The following ZDHHC21 variants were observed in gnomAD, a reference collection of about 807,000 sequenced individuals.
ZDHHC21 encodes zDHHC palmitoyltransferase 21.
ZDHHC21 carries 15 observed loss-of-function variants against 34.6 expected under a neutral mutation model. The ratio of observed to expected loss-of-function variants is 0.43; its 90% confidence interval spans 0.29 to 0.67. ZDHHC21 has a LOEUF of 0.67. ZDHHC21 is among the 30% of genes least tolerant of loss of function. ZDHHC21 has a pLI of 0.14. For missense variants in ZDHHC21, 344 were observed against 327.7 expected (o/e 1.05, Z -0.38); for synonymous variants, 142 against 101.8 (o/e 1.40, Z -2.38).
intron 7 of ZDHHC21, among the ~76,000 whole-genome samples, chr9:14,643,406 A>G (rs73644816): frequency 0.028 from 4,216 of 152,272 alleles, 206 homozygotes; most frequent in African/African-American, 0.095. Flanking sequence ...CTCCTTCTTC[A>G]TACATTTTGG....
In ZDHHC21 at chr9:14,682,710, C is replaced by G. The variant is rs552362846; in HGVS notation, c.-175-2548G>C. ...ACCTAATAGACATCTACAGAACTCT[C>G]CACCTCAAATCAACAGAATATACAC... On this transcript the variant is annotated intron_variant, in intron 2 of 9. Transcript: ENST00000380916. Among the ~76,000 whole-genome samples the G allele has an allele frequency of 7.2e-5, 11 of 152,302 alleles. 2 individuals carry two copies. The South Asian group carries it at 2.3e-3, about 32-fold the overall frequency.
intron 2 of ZDHHC21, among the ~76,000 whole-genome samples, chr9:14,688,599 T>C (rs1838706355): frequency 6.6e-6 from 1 of 151,944 alleles, no homozygotes. Context: ...CAGTGGCTCA[T>C]GCCTGTAATC....
At chr9:14,652,965 G>A (rs1831492808) in intron 7 of ZDHHC21, among the ~76,000 whole-genome samples, 1 of 151,956 alleles carries the variant, frequency 6.6e-6, no homozygotes, top group Non-Finnish European at 1.5e-5. Flanking sequence ...ACGTGAAAGG[G>A]TAGAAAGAAA....
intron 2 of ZDHHC21, among the ~76,000 whole-genome samples, chr9:14,680,713 C>T (rs1587439651): frequency 6.6e-6 from 1 of 152,114 alleles, no homozygotes; most frequent in African/African-American, 2.4e-5. Context: ...CACTTAACTA[C>T]TATACACTAT....
At chr9:14,646,754 C>T (rs572191779) in intron 7 of ZDHHC21, among the ~76,000 whole-genome samples, 62 of 152,234 alleles carry the variant, frequency 4.1e-4, no homozygotes, top group South Asian at 2.3e-3. Context: ...GAGACCTTTT[C>T]CTTGACCAAA....
Position 14,614,278 on chromosome 9 carries a change from T to C in ZDHHC21, c.*4688A>G, listed in dbSNP as rs1198619383. 1 of 140,950 alleles carries C rather than the reference T, an allele frequency of 7.1e-6. No individual in the cohort carries two copies. Among genetic ancestry groups the C allele is most frequent in the Non-Finnish European group, 1.5e-5 (1 of 64,660 alleles). 8.7% of individuals were successfully genotyped at this position (140,950 alleles called of 1,614,324 possible). ...ATAATAGTAAAAAATATAATGATAATGGAAAGTATCAGTAATATCAATGAC... is the reference window on the plus strand; with the variant it reads ...ATAATAGTAAAAAATATAATGATAACGGAAAGTATCAGTAATATCAATGAC... On this transcript the variant is annotated 3_prime_UTR_variant, in exon 10 of 10. Transcript: ENST00000380916.
Position 14,618,752 on chromosome 9 carries a change from G to C in ZDHHC21, c.*214C>G. ...AGAAATCCCTGTGGAAAGCTAATTTGAAAGTAAACATGCTTTAAAACTTAA... is the reference window on the plus strand; with the variant it reads ...AGAAATCCCTGTGGAAAGCTAATTTCAAAGTAAACATGCTTTAAAACTTAA... On this transcript the variant is annotated 3_prime_UTR_variant, in exon 10 of 10. Coordinates refer to ENST00000380916, the MANE Select transcript of ZDHHC21 (RefSeq NM_178566.6). 2.4e-6 allele frequency: 1 copy of C among 417,696 alleles called. No individual in the cohort carries two copies. The highest frequency in any genetic ancestry group is 4.0e-6 in the Non-Finnish European group (1 of 249,696). 25.9% of individuals were successfully genotyped at this position (417,696 alleles called of 1,614,324 possible).
intron 5 of ZDHHC21, among the ~76,000 whole-genome samples, chr9:14,667,811 TA>T (rs1834757743): frequency 3.2e-5 from 1 of 31,060 alleles, no homozygotes; most frequent in African/African-American, 1.1e-4. Context: ...CCCTTCATGC[TA>T]AAAACTCTCA....
At chr9:14,688,132 T>C (rs1025692098) in intron 2 of ZDHHC21, among the ~76,000 whole-genome samples, 1 of 151,010 alleles carries the variant, frequency 6.6e-6, no homozygotes, top group South Asian at 2.1e-4. Flanking sequence ...ATTAATCTTC[T>C]ACAGATGTTA....
chr9:14,682,555 C>T (rs987614743), intron 2 of ZDHHC21, among the ~76,000 whole-genome samples: 3 of 152,096 alleles, frequency 2.0e-5, no homozygotes, highest in Admixed American at 1.3e-4. Context: ...CCTTAGAGAC[C>T]TACAAAGAGA....
chr9:14,606,863 C>T (rs1336779029), downstream of ZDHHC21, among the ~76,000 whole-genome samples: 2 of 151,968 alleles, frequency 1.3e-5, no homozygotes, highest in African/African-American at 4.8e-5. Flanking sequence ...CAGACGTTCA[C>T]CTCTATTACT....
the ZDHHC21 span, among the ~76,000 whole-genome samples, chr9:14,595,433 C>T: frequency 1.3e-5 from 2 of 152,130 alleles, no homozygotes; most frequent in Admixed American, 1.3e-4. Context: ...TGTATGATTC[C>T]ATTTATAGTA....
At chr9:14,651,317 A>C (rs1426709989) in intron 7 of ZDHHC21, among the ~76,000 whole-genome samples, 1 of 151,904 alleles carries the variant, frequency 6.6e-6, no homozygotes, top group Non-Finnish European at 1.5e-5. Context: ...AATATTATTA[A>C]TCCTACAATA....
chr9:14,673,171 G>C (rs1298780832), intron 4 of ZDHHC21, among the ~76,000 whole-genome samples: 1 of 151,884 alleles, frequency 6.6e-6, no homozygotes, highest in Admixed American at 6.6e-5. Context: ...GTAACTCAAA[G>C]TTCTTATAAA....
chr9:14,646,046 G>T (rs72704939), intron 7 of ZDHHC21, among the ~76,000 whole-genome samples: 1 of 152,008 alleles, frequency 6.6e-6, no homozygotes, highest in Non-Finnish European at 1.5e-5. Context: ...AGCACTTCTC[G>T]CTATACATCT....
rs1303018142 is a variant in ZDHHC21, at chr9:14,618,642, G to GT, written c.*323dup. 5.2e-6 allele frequency: 1 copy of GT among 192,554 alleles called. No individual in the cohort carries two copies. The highest frequency in any genetic ancestry group is 1.3e-4 in the East Asian group (1 of 7,962). The allele number at this position is 192,554 out of a possible 1,614,324, so 11.9% of individuals were successfully genotyped here. ...TGAAATTTACCATAAATTAGAATCT[G>GT]TAACACTGTCAGTACTAAAATAAAT... On this transcript the variant is annotated 3_prime_UTR_variant, in exon 10 of 10. Transcript: ENST00000380916.
rs187323364 is a variant in ZDHHC21 at position 14,617,443 on chromosome 9, T to G, written c.*1523A>C. On this transcript the variant is annotated 3_prime_UTR_variant, in exon 10 of 10. Transcript: ENST00000380916. Reference sequence around the variant, plus strand: ...CAATTTCTGAAAGAACTAACCACAGTATAGCCAACTGGCTGACAATGGTAA... The same window carrying G: ...CAATTTCTGAAAGAACTAACCACAGGATAGCCAACTGGCTGACAATGGTAA... 3.0e-4 allele frequency: 46 copies of G among 152,120 alleles called. No homozygotes were observed. Among genetic ancestry groups the G allele is most frequent in the African/African-American group, 1.1e-3 (45 of 41,562 alleles). 9.4% of individuals were successfully genotyped at this position (152,120 alleles called of 1,614,324 possible). A position where few individuals can be genotyped will look rare whatever the true frequency, so the allele number is the denominator to read the frequency against.
chr9:14,648,656 T>C (rs1830679653), intron 7 of ZDHHC21, among the ~76,000 whole-genome samples: 1 of 152,142 alleles, frequency 6.6e-6, no homozygotes, highest in Admixed American at 6.6e-5. Flanking sequence ...TATATTTGTT[T>C]ATTGCCTGTC....
At chr9:14,601,905 CA>C in the ZDHHC21 span, among the ~76,000 whole-genome samples, 1 of 152,052 alleles carries the variant, frequency 6.6e-6, no homozygotes, top group South Asian at 2.1e-4. Context: ...AACAGAAAAC[CA>C]AACACTACAT....
Sources: allele counts gnomAD v4.1 joint callset (sites outside exome capture counted in the v4.1 genomes callset), GRCh38; gene constraint gnomAD v4.1.1; transcripts MANE v1.5; gene names NCBI Gene and HGNC (gene_info 2026-07-23, HGNC 2026-07-21).